The following PCDHGA10 variants were observed in gnomAD, a reference collection of about 807,000 sequenced individuals.
PCDHGA10 encodes the protein protocadherin gamma-A10.
A neutral mutation model predicts 59.5 loss-of-function variants in PCDHGA10; 42 were observed. The observed-to-expected ratio is 0.71, with a 90% CI of 0.55 to 0.91. The LOEUF (loss-of-function observed/expected upper bound fraction) is 0.91. Among genes scored for constraint, PCDHGA10 ranks in the 40% least tolerant of loss-of-function variants. The probability of loss-of-function intolerance (pLI) is 0.00; values close to 1 mark genes in which losing one functional copy is unlikely to be tolerated. For synonymous variants in PCDHGA10, 511 were observed against 517.2 expected, an observed-to-expected ratio of 0.99 and a Z score of 0.16; for missense variants, 1,111 against 1,198.2, an observed-to-expected ratio of 0.93 and a Z score of 1.07.
At chr5:141,451,653 G>A (rs1440576814) in intron 1 of PCDHGA10, among the ~76,000 whole-genome samples, 2 of 152,166 alleles carry the variant, frequency 1.3e-5, no homozygotes, top group Non-Finnish European at 2.9e-5. Context: ...AGGCCAAGGA[G>A]GGTGGACTGC....
chr5:141,473,974 C>T (rs958240236), intron 1 of PCDHGA10, among the ~76,000 whole-genome samples: 12 of 152,172 alleles, frequency 7.9e-5, no homozygotes, highest in Admixed American at 1.3e-4. Flanking sequence ...AAGTCTGAGG[C>T]GGGAGGATCC....
Position 141,489,268 on chromosome 5 carries a change from G to T in PCDHGA10, c.2437-5539G>T. On this transcript the variant is annotated intron_variant, in intron 1 of 3. Transcript: ENST00000398610. This position sits in a 1 kb window ranked among gnomAD's most constrained non-coding sequence, Gnocchi z 4.5. The stretch of plus-strand genomic sequence containing the variant: ...GGGGCCCAAGACACTCCCACAGCTC[G>T]CTGGGAAATGGCAAGTGCTGTGCAT... The T allele has an allele frequency of 3.9e-6, 6 of 1,553,284 alleles. No homozygotes were observed. The South Asian group carries it at 5.0e-5, about 13-fold the overall frequency.
intron 1 of PCDHGA10, among the ~76,000 whole-genome samples, chr5:141,456,902 G>A (rs886945444): frequency 6.6e-6 from 1 of 152,294 alleles, no homozygotes; most frequent in South Asian, 2.1e-4. Flanking sequence ...GGCAGAGGTT[G>A]CAGTGAGCCG....
chr5:141,416,178 C>G (rs1392436592), intron 1 of PCDHGA10: 3 of 152,408 alleles, frequency 2.0e-5, no homozygotes, highest in African/African-American at 2.4e-5. Context: ...CTAAGTTTTT[C>G]ATTAATATTG....
At chr5:141,419,623 G>A in intron 1 of PCDHGA10, 1 of 1,612,328 alleles carries the variant, frequency 6.2e-7, no homozygotes, top group East Asian at 2.2e-5. Context: ...GCTACCTGGT[G>A]ACCAAGGTGG....
At chr5:141,458,438 CCCA>C (rs1221646653) in intron 1 of PCDHGA10, among the ~76,000 whole-genome samples, 3 of 152,024 alleles carry the variant, frequency 2.0e-5, no homozygotes, top group African/African-American at 7.2e-5. Context: ...GAGGAGGTCC[CCCA>C]CATTAACAAT....
At chr5:141,473,858 C>G (rs569473917) in intron 1 of PCDHGA10, among the ~76,000 whole-genome samples, 1 of 152,286 alleles carries the variant, frequency 6.6e-6, no homozygotes, top group Admixed American at 6.5e-5. Flanking sequence ...ATGAACCTCG[C>G]TATTGTGGAG....
At chr5:141,475,980 C>T (rs758066578) in intron 1 of PCDHGA10, 45 of 1,028,498 alleles carry the variant, frequency 4.4e-5, no homozygotes, top group Non-Finnish European at 6.2e-5. Flanking sequence ...ACTGAACAGC[C>T]GGCGAGCAAA....
At chr5:141,484,352 T>A (rs112226980) in intron 1 of PCDHGA10, among the ~76,000 whole-genome samples, 8,127 of 152,270 alleles carry the variant, frequency 0.053, 445 homozygotes, top group African/African-American at 0.15. Context: ...TAATTTAGTG[T>A]ATCTAGTGTA....
rs1485669709 is a variant in PCDHGA10 at position 141,432,989 on chromosome 5, G to A, written c.2436+17378G>A. On this transcript the variant is annotated intron_variant, in intron 1 of 3. Coordinates refer to ENST00000398610, the MANE Select transcript of PCDHGA10 (RefSeq NM_018913.3). The surrounding 1 kb of genome is among the most constrained non-coding windows in gnomAD (Gnocchi z 6.0). ...GCCGGCGTCGCACTTTGTGGGCGTG[G>A]ACGGGGTGCAGGCTTTCCTGCAGAC... The A allele has an allele frequency of 1.9e-6, 3 of 1,614,210 alleles. No individual in the cohort carries two copies. The highest frequency in any genetic ancestry group is 1.3e-5 in the African/African-American group (1 of 75,066).
At chr5:141,442,417 T>A (rs2098323611) in intron 1 of PCDHGA10, 1 of 152,152 alleles carries the variant, frequency 6.6e-6, no homozygotes, top group Non-Finnish European at 1.5e-5. Flanking sequence ...TGAGTGAACT[T>A]CTTTTTTGAA....
intron 2 of PCDHGA10, among the ~76,000 whole-genome samples, chr5:141,497,023 G>A (rs1271608156): frequency 1.3e-5 from 2 of 151,912 alleles, no homozygotes; most frequent in Non-Finnish European, 2.9e-5. Flanking sequence ...ACCCCATCTC[G>A]ATTAAAAATA....
chr5:141,437,434 G>A (rs183505868), intron 1 of PCDHGA10, among the ~76,000 whole-genome samples: 409 of 152,312 alleles, frequency 2.7e-3, no homozygotes, highest in Middle Eastern at 6.8e-3. Flanking sequence ...AGCAGCAATA[G>A]CATAGGAATG....
chr5:141,466,799 C>T (rs1049340129), intron 1 of PCDHGA10, among the ~76,000 whole-genome samples: 1 of 152,056 alleles, frequency 6.6e-6, no homozygotes, highest in African/African-American at 2.4e-5. Flanking sequence ...CAAACTAGAT[C>T]CTATTCAGAC....
At position 141,431,280 on chromosome 5, in the gene PCDHGA10, C is replaced by G; in HGVS notation, c.2436+15669C>G. ...TCTCTGCAGAGCTACGAGCTCAGCC[C>G]GAACACTCACTTCTCCCTCATCGTG... On this transcript the variant is annotated intron_variant, in intron 1 of 3. Transcript: ENST00000398610. This position sits in a 1 kb window ranked among gnomAD's most constrained non-coding sequence, Gnocchi z 4.8. The G allele has an allele frequency of 6.2e-7, 1 of 1,614,146 alleles. No homozygotes were observed. The highest frequency in any genetic ancestry group is 8.5e-7 in the Non-Finnish European group (1 of 1,180,040).
In PCDHGA10 at chr5:141,413,992, A is replaced by G. The variant is rs1437832303; in HGVS notation, c.817A>G (p.Arg273Gly). 6.2e-7 allele frequency: 1 copy of G among 1,613,538 alleles called. No individual in the cohort carries two copies. The highest frequency in any genetic ancestry group is 1.7e-5 in the Admixed American group (1 of 59,992). Residue 273 changes from arginine to glycine, a missense_variant, in exon 1 of 4, where the codon AGG becomes GGG. Coordinates refer to ENST00000398610, the MANE Select transcript of PCDHGA10 (RefSeq NM_018913.3). Reference sequence around the variant, plus strand: ...GCTGCTGACAGTCACAGCCACCGACAGGGACGAAGGTGCCAATGGAGAAGT... The same window carrying G: ...GCTGCTGACAGTCACAGCCACCGACGGGGACGAAGGTGCCAATGGAGAAGT... ...TQLLTVTATD[R>G]DEGANGEVTY...
intron 1 of PCDHGA10, chr5:141,427,356 G>A (rs1295421809): frequency 8.7e-6 from 4 of 457,618 alleles, no homozygotes; most frequent in Non-Finnish European, 1.8e-5. Context: ...AACTGAGGAC[G>A]CAGAACCCTG....
intron 1 of PCDHGA10, chr5:141,423,443 C>A: frequency 6.2e-7 from 1 of 1,613,998 alleles, no homozygotes; most frequent in Non-Finnish European, 8.5e-7. Flanking sequence ...ATGCCCACGT[C>A]ACATTTTGTA....
chr5:141,443,827 G>A (rs1425599112), intron 1 of PCDHGA10, among the ~76,000 whole-genome samples: 1 of 152,054 alleles, frequency 6.6e-6, no homozygotes, highest in African/African-American at 2.4e-5. Context: ...ACATAATTAG[G>A]TAAAATGGGT....
Sources: gnomAD v4.1 joint callset for allele counts (sites outside exome capture counted in the v4.1 genomes callset) on GRCh38, gnomAD v4.1.1 for gene constraint, Gnocchi (gnomAD v3.1) non-coding constraint, MANE v1.5 for transcripts, NCBI Gene and HGNC (gene_info 2026-07-23, HGNC 2026-07-21) for gene names.